The following EPHA6 variants were observed in gnomAD, a reference collection of about 807,000 sequenced individuals.
EPHA6 encodes ephrin type-A receptor 6.
In EPHA6, 50 loss-of-function variants were observed where a neutral mutation model predicts 112.0. The ratio of observed to expected loss-of-function variants is 0.45; its 90% CI spans 0.36 to 0.56. The LOEUF (loss-of-function observed/expected upper bound fraction) is 0.56, where lower values mean the gene tolerates loss of function less well. Ranked by LOEUF, EPHA6 falls within the 20% of genes least tolerant of loss-of-function variation. The pLI is 0.00. For missense variants in EPHA6, 1,280 were observed against 1,417.4 expected, an observed-to-expected ratio of 0.90 and a Z score of 1.56; for synonymous variants, 529 against 490.7, an observed-to-expected ratio of 1.08 and a Z score of -1.03.
At chr3:97,149,358 T>C (rs1199901587) in intron 3 of EPHA6, among the ~76,000 whole-genome samples, 2 of 152,152 alleles carry the variant, frequency 1.3e-5, no homozygotes, top group Non-Finnish European at 2.9e-5. Context: ...TTTTACACAG[T>C]TGACATGTAA....
At chr3:97,367,045 C>A (rs1256027512) in intron 5 of EPHA6, among the ~76,000 whole-genome samples, 1 of 152,114 alleles carries the variant, frequency 6.6e-6, no homozygotes, top group South Asian at 2.1e-4. Flanking sequence ...AAATTAGGAA[C>A]TTGTTCAAAG....
At chr3:96,897,601 A>G (rs1040859267) in intron 2 of EPHA6, among the ~76,000 whole-genome samples, 1 of 152,210 alleles carries the variant, frequency 6.6e-6, no homozygotes, top group Non-Finnish European at 1.5e-5. Flanking sequence ...TTCTGTATAA[A>G]ACTAAATGTG....
intron 10 of EPHA6, among the ~76,000 whole-genome samples, chr3:97,498,276 A>T (rs1293211132): frequency 6.6e-6 from 1 of 151,568 alleles, no homozygotes; most frequent in Non-Finnish European, 1.5e-5. Context: ...TCCAAGAGAC[A>T]CAATTGTCCA....
chr3:97,279,763 A>G (rs1319345348), intron 5 of EPHA6, among the ~76,000 whole-genome samples: 1 of 152,248 alleles, frequency 6.6e-6, no homozygotes, highest in Non-Finnish European at 1.5e-5. Flanking sequence ...TTCTTTAGAA[A>G]AAAGGTCAGA....
chr3:97,618,458 T>A (rs1196769060), intron 13 of EPHA6, among the ~76,000 whole-genome samples: 1 of 151,850 alleles, frequency 6.6e-6, no homozygotes, highest in Non-Finnish European at 1.5e-5. Context: ...TGAAAAACCA[T>A]TGAAAAGCTC....
intron 5 of EPHA6, among the ~76,000 whole-genome samples, chr3:97,318,416 G>A (rs1189906632): frequency 2.6e-5 from 4 of 151,998 alleles, no homozygotes; most frequent in East Asian, 1.9e-4. Context: ...CCCACCTATC[G>A]AACTCTGTGT....
At chr3:97,447,968 T>C in intron 6 of EPHA6, 2 of 206,960 alleles carry the variant, frequency 9.7e-6, no homozygotes, top group Non-Finnish European at 1.8e-5. Flanking sequence ...CAATTCTCCC[T>C]TACAGGAAAA....
At chr3:97,380,478 T>C (rs2085660467) in intron 5 of EPHA6, among the ~76,000 whole-genome samples, 1 of 152,124 alleles carries the variant, frequency 6.6e-6, no homozygotes, top group South Asian at 2.1e-4. Flanking sequence ...TTACCGTGGA[T>C]CCCTTTGGGC....
intron 5 of EPHA6, among the ~76,000 whole-genome samples, chr3:97,302,550 A>G (rs1474982405): frequency 2.6e-5 from 4 of 151,118 alleles, no homozygotes; most frequent in Non-Finnish European, 5.9e-5. Context: ...CTTAAGTGGT[A>G]TATATTGTCT....
chr3:97,110,788 C>T (rs1021612813), intron 3 of EPHA6, among the ~76,000 whole-genome samples: 9 of 151,990 alleles, frequency 5.9e-5, no homozygotes, highest in Non-Finnish European at 1.2e-4. Context: ...CTTGGTCTCC[C>T]AAATTGCTGG....
At chr3:97,386,993 A>G (rs2086106160) in intron 5 of EPHA6, among the ~76,000 whole-genome samples, 1 of 152,144 alleles carries the variant, frequency 6.6e-6, no homozygotes, top group Non-Finnish European at 1.5e-5. Flanking sequence ...CCTTTTAGCC[A>G]TGGCTGGAGC....
In EPHA6 at chr3:97,089,341, T is replaced by C. The variant is rs77440777; in HGVS notation, c.1114+101348T>C. Among the ~76,000 whole-genome samples, 184 of 152,254 alleles carry C rather than the reference T, an allele frequency of 1.2e-3. 4 individuals carry two copies. In the East Asian group the frequency reaches 0.034, roughly 29 times the overall value. ...ACATGACCTTTTCACAGTTTGCTTTTTTAACATTTGATGACATAATTTTTA... is the reference window on the plus strand; with the variant it reads ...ACATGACCTTTTCACAGTTTGCTTTCTTAACATTTGATGACATAATTTTTA... On this transcript the variant is annotated intron_variant, in intron 3 of 17. Transcript: ENST00000389672.
At chr3:97,205,784 C>T (rs2077699328) in intron 3 of EPHA6, among the ~76,000 whole-genome samples, 1 of 152,012 alleles carries the variant, frequency 6.6e-6, no homozygotes, top group African/African-American at 2.4e-5. Context: ...TTTTTGTGGG[C>T]TGATTGACCT....
chr3:97,447,657 G>C (rs763481821), intron 6 of EPHA6: 73 of 462,464 alleles, frequency 1.6e-4, no homozygotes, highest in Non-Finnish European at 2.1e-4. Flanking sequence ...CAGGTAAAAT[G>C]AACTGTCCTG....
chr3:97,262,910 A>T (rs767378393), intron 5 of EPHA6, among the ~76,000 whole-genome samples: 8 of 152,192 alleles, frequency 5.3e-5, no homozygotes, highest in South Asian at 2.1e-4. Context: ...TGAATGCATG[A>T]ACAGTTGAAT....
At chr3:96,843,789 C>A (rs551597366) in intron 1 of EPHA6, among the ~76,000 whole-genome samples, 1 of 151,816 alleles carries the variant, frequency 6.6e-6, no homozygotes, top group Non-Finnish European at 1.5e-5. Flanking sequence ...TTATATGACG[C>A]CTTAAAGAAA....
intron 3 of EPHA6, among the ~76,000 whole-genome samples, chr3:97,115,139 A>T (rs888868843): frequency 7.2e-5 from 11 of 151,956 alleles, no homozygotes; most frequent in African/African-American, 2.7e-4. Flanking sequence ...TTTAGTCTGT[A>T]TTTAATGGAT....
chr3:97,365,932 G>C (rs1346181738), intron 5 of EPHA6, among the ~76,000 whole-genome samples: 2 of 152,112 alleles, frequency 1.3e-5, no homozygotes, highest in African/African-American at 2.4e-5. Flanking sequence ...CTTACCCTTT[G>C]GGAGGAGTAA....
At chr3:97,115,157 T>C (rs1008647609) in intron 3 of EPHA6, among the ~76,000 whole-genome samples, 1 of 151,938 alleles carries the variant, frequency 6.6e-6, no homozygotes, top group Non-Finnish European at 1.5e-5. Context: ...GATGGCTATG[T>C]AGGGATTTTT....
Sources: allele counts gnomAD v4.1 joint callset (sites outside exome capture counted in the v4.1 genomes callset), GRCh38; gene constraint gnomAD v4.1.1; transcripts MANE v1.5; gene names NCBI Gene and HGNC (gene_info 2026-07-23, HGNC 2026-07-21).